Variants in SUN5 observed in about 807,000 individuals in gnomAD.
SUN5 encodes SUN domain-containing protein 5.
In SUN5, 44 loss-of-function variants were observed where a neutral mutation model predicts 53.7. The observed-to-expected ratio is 0.82, with a 90% confidence interval of 0.64 to 1.05. The LOEUF (loss-of-function observed/expected upper bound fraction) is 1.05, where lower values mean the gene tolerates loss of function less well. Among genes scored for constraint, SUN5 ranks in the 50% least tolerant of loss-of-function variants. The probability of loss-of-function intolerance (pLI) is 0.00; values close to 1 mark genes in which losing one functional copy is unlikely to be tolerated. For missense variants in SUN5, 433 were observed against 483.8 expected, an observed-to-expected ratio of 0.90 and a Z score of 0.98; for synonymous variants, 166 against 179.8, an observed-to-expected ratio of 0.92 and a Z score of 0.62.
At chr20:32,999,034 TAAAAAAC>T (rs1192068117) in intron 5 of SUN5, among the ~76,000 whole-genome samples, 2 of 151,702 alleles carry the variant, frequency 1.3e-5, no homozygotes, top group African/African-American at 2.4e-5. Context: ...GACCCTGTCT[TAAAAAAC>T]AAAAAAGAAG....
chr20:32,996,706 C>T (rs1989860851), intron 6 of SUN5, among the ~76,000 whole-genome samples: 1 of 151,034 alleles, frequency 6.6e-6, no homozygotes, highest in Non-Finnish European at 1.5e-5. Context: ...ATTCATCCAT[C>T]TATCCACCAA....
At position 32,985,308 on chromosome 20, in the gene SUN5, G is replaced by A. The variant is rs147902721; in HGVS notation, c.898-123C>T. 2,196 of 814,470 alleles carry A rather than the reference G, an allele frequency of 2.7e-3. 12 individuals are homozygous for A. The highest frequency in any genetic ancestry group is 0.011 in the Middle Eastern group (48 of 4,316). 50.5% of individuals were successfully genotyped at this position (814,470 alleles called of 1,614,324 possible). On this transcript the variant is annotated intron_variant, in intron 11 of 12. Transcript: ENST00000356173. ...GGAGCTCACTACCTCTTTGGGCACC[G>A]TTTCACTGTGGCACAGTGTAATGAA...
intron 8 of SUN5, among the ~76,000 whole-genome samples, chr20:32,990,943 T>C (rs1466712580): frequency 6.6e-6 from 1 of 152,184 alleles, no homozygotes; most frequent in Non-Finnish European, 1.5e-5. Context: ...GCCAGGGTGT[T>C]ACAAGGCAGT....
chr20:32,996,737 T>C (rs1989861770), intron 6 of SUN5, among the ~76,000 whole-genome samples: 1 of 151,800 alleles, frequency 6.6e-6, no homozygotes, highest in Non-Finnish European at 1.5e-5. Context: ...CACTCATCTA[T>C]CCCATCTGCT....
chr20:32,987,686 C>T lies in SUN5; in HGVS notation c.703G>A (p.Ala235Thr), dbSNP rs769662035. 33 of 1,612,360 alleles carry T rather than the reference C, an allele frequency of 2.0e-5. No homozygotes were observed. Among genetic ancestry groups the T allele is most frequent in the Admixed American group, 1.5e-4 (9 of 59,820 alleles). Residue 235 changes from alanine to threonine, a missense_variant, in exon 10 of 13, where the codon GCA becomes ACA. Transcript: ENST00000356173. ...TCAAGGATCACGTCTGGGGGCTGTG[C>T]GTAGTTCCACAGCTGGATCCAGTTC... ...YWNWIQLWNYAQPPDVILEPN... is the reference protein window; with the variant it reads ...YWNWIQLWNYTQPPDVILEPN...
chr20:32,985,589 G>T, intron 11 of SUN5, 147 bp downstream of exon 11: 1 of 975,970 alleles, frequency 1.0e-6, no homozygotes, highest in Non-Finnish European at 1.5e-6. Context: ...GGACCCCAGC[G>T]CTGGCCACTT....
Position 33,001,377 on chromosome 20 carries a change from C to T in SUN5, c.212-99G>A, listed in dbSNP as rs545869554. ...TCTGGGGCTGGGGGAGGCCCTGGAGCTGGGAGACCCTCTCGACTTGTTGGC... is the reference window on the plus strand; with the variant it reads ...TCTGGGGCTGGGGGAGGCCCTGGAGTTGGGAGACCCTCTCGACTTGTTGGC... On this transcript the variant is annotated intron_variant, in intron 3 of 12. Transcript: ENST00000356173. 9 of 1,349,732 alleles carry T rather than the reference C, an allele frequency of 6.7e-6. No individual in the cohort carries two copies. In the Middle Eastern group the frequency reaches 6.1e-4, roughly 91 times the overall value. 83.6% of individuals were successfully genotyped at this position (1,349,732 alleles called of 1,614,324 possible).
intron 8 of SUN5, among the ~76,000 whole-genome samples, chr20:32,992,064 C>T (rs1989724970): frequency 6.6e-6 from 1 of 152,152 alleles, no homozygotes; most frequent in South Asian, 2.1e-4. Context: ...TTCATCTGCC[C>T]AGCACAGATA....
intron 10 of SUN5, among the ~76,000 whole-genome samples, chr20:32,986,924 A>C (rs1342887698): frequency 6.6e-6 from 1 of 152,226 alleles, no homozygotes; most frequent in Non-Finnish European, 1.5e-5. Flanking sequence ...GCCACCAGGA[A>C]GCCCCTTGCC....
intron 10 of SUN5, among the ~76,000 whole-genome samples, chr20:32,986,425 G>C (rs189951272): frequency 2.3e-4 from 35 of 152,300 alleles, no homozygotes; most frequent in Middle Eastern, 3.4e-3. Flanking sequence ...GGCCCAGGGA[G>C]AGAAAGAGGT....
Position 32,989,611 on chromosome 20 carries a change from G to T in SUN5, c.613+9C>A. 6.2e-7 allele frequency: 1 copy of T among 1,613,424 alleles called. No individual in the cohort carries two copies. Among genetic ancestry groups the T allele is most frequent in the South Asian group, 1.1e-5 (1 of 91,030 alleles). On this transcript the variant is annotated intron_variant, in intron 9 of 12. Transcript: ENST00000356173. ...AGGCAGTCAGATGGTGGGGAAGGGG[G>T]TCACCTACCTATAGACTTCAGGGCA...
intron 5 of SUN5, chr20:32,999,763 G>T: frequency 3.9e-4 from 244 of 625,564 alleles, no homozygotes; most frequent in Middle Eastern, 4.9e-4. Context: ...AGATTCCTTT[G>T]CTTGGGAAAG....
At chr20:32,988,994 A>C (rs1049358662) in intron 9 of SUN5, among the ~76,000 whole-genome samples, 8 of 150,452 alleles carry the variant, frequency 5.3e-5, no homozygotes, top group African/African-American at 1.5e-4. Flanking sequence ...GGCGCGATCT[A>C]GGCTCACTGC....
intron 12 of SUN5, among the ~76,000 whole-genome samples, chr20:32,984,599 G>A (rs568930957): frequency 1.3e-5 from 2 of 152,206 alleles, no homozygotes; most frequent in Non-Finnish European, 2.9e-5. Flanking sequence ...GCAGAAATTC[G>A]GGCCAGTATG....
At chr20:32,986,039 C>T in intron 10 of SUN5, 136 bp from the exon 11 acceptor site, 6 of 981,416 alleles carry the variant, frequency 6.1e-6, no homozygotes, top group South Asian at 1.7e-5. Context: ...AAGTGCCACC[C>T]CCTCCAGGAA....
At chr20:32,989,584 T>G (rs1555875341) in intron 9 of SUN5, 36 bp downstream of exon 9, 115 of 1,593,096 alleles carry the variant, frequency 7.2e-5, no homozygotes, top group Middle Eastern at 1.7e-4. Flanking sequence ...CCAGGACACT[T>G]GAGGCAGTCA....
chr20:32,999,808 G>A (rs1989953585), intron 5 of SUN5: 1 of 1,127,058 alleles, frequency 8.9e-7, no homozygotes, highest in Non-Finnish European at 1.3e-6. Flanking sequence ...GGTGGTGGCT[G>A]GAAAGAAGCC....
intron 9 of SUN5, among the ~76,000 whole-genome samples, chr20:32,988,877 C>A (rs1463920497): frequency 6.6e-6 from 1 of 151,904 alleles, no homozygotes; most frequent in Non-Finnish European, 1.5e-5. Flanking sequence ...GTGTGAGCCA[C>A]CAAGCCCAGC....
At chr20:32,984,753 T>C (rs924847223) in intron 12 of SUN5, among the ~76,000 whole-genome samples, 2 of 152,210 alleles carry the variant, frequency 1.3e-5, no homozygotes, top group East Asian at 1.9e-4. Flanking sequence ...GTGATAATTA[T>C]GGGGCCACCC....
Sources: gnomAD v4.1 joint callset for allele counts (sites outside exome capture counted in the v4.1 genomes callset) on GRCh38, gnomAD v4.1.1 for gene constraint, MANE v1.5 for transcripts, NCBI Gene and HGNC (gene_info 2026-07-23, HGNC 2026-07-21) for gene names.